Variants in CDH12 observed in about 807,000 individuals in gnomAD.
CDH12 encodes cadherin 12.
A neutral mutation model predicts 74.1 loss-of-function variants in CDH12; 41 were observed. The ratio of observed to expected loss-of-function variants is 0.55; its 90% CI spans 0.43 to 0.72. The LOEUF (loss-of-function observed/expected upper bound fraction) is 0.72. Ranked by LOEUF, CDH12 falls within the 30% of genes least tolerant of loss-of-function variation. The pLI is 0.00. For synonymous variants in CDH12, 399 were observed against 355.0 expected, an observed-to-expected ratio of 1.12 and a Z score of -1.39; for missense variants, 945 against 977.2, an observed-to-expected ratio of 0.97 and a Z score of 0.44.
chr5:22,521,523 C>T (rs1033029440), intron 1 of CDH12, among the ~76,000 whole-genome samples: 8 of 151,978 alleles, frequency 5.3e-5, no homozygotes, highest in Non-Finnish European at 1.2e-4. Context: ...TATTCTATAC[C>T]ATGCTAAAAA....
intron 1 of CDH12, among the ~76,000 whole-genome samples, chr5:22,798,134 A>G (rs933621581): frequency 1.3e-5 from 2 of 152,080 alleles, no homozygotes; most frequent in Admixed American, 1.3e-4. Context: ...AATAAATCCC[A>G]CAGGTTGTCC....
intron 1 of CDH12, among the ~76,000 whole-genome samples, chr5:22,552,539 C>G (rs142331468): frequency 1.4e-3 from 206 of 151,884 alleles, no homozygotes; most frequent in African/African-American, 4.9e-3. Context: ...AGCGATTATC[C>G]TGCCTCAGCC....
At chr5:22,376,146 G>A (rs115385077) in intron 3 of CDH12, among the ~76,000 whole-genome samples, 1,828 of 152,214 alleles carry the variant, frequency 0.012, 38 homozygotes, top group African/African-American at 0.041. Flanking sequence ...CATGTCATTC[G>A]CAGCAGCATG....
intron 6 of CDH12, among the ~76,000 whole-genome samples, chr5:21,870,563 T>C (rs1751568364): frequency 6.6e-6 from 1 of 152,190 alleles, no homozygotes; most frequent in African/African-American, 2.4e-5. Context: ...TTTCTGTTCA[T>C]GATAAATTAC....
At chr5:21,971,114 ATCCT>A (rs1233666158) in intron 6 of CDH12, among the ~76,000 whole-genome samples, 2 of 151,950 alleles carry the variant, frequency 1.3e-5, no homozygotes, top group African/African-American at 4.8e-5. Flanking sequence ...AAAGATGCCC[ATCCT>A]TCAGGTTTTG....
At chr5:22,068,312 C>G (rs1741706166) in intron 5 of CDH12, among the ~76,000 whole-genome samples, 1 of 152,172 alleles carries the variant, frequency 6.6e-6, no homozygotes, top group Non-Finnish European at 1.5e-5. Context: ...ATCACGTGCT[C>G]CCTATCAGCT....
chr5:22,811,434 G>A (rs1749145035), intron 1 of CDH12, among the ~76,000 whole-genome samples: 1 of 152,078 alleles, frequency 6.6e-6, no homozygotes, highest in South Asian at 2.1e-4. Flanking sequence ...GTTGCTTTGT[G>A]AGCTGAGAGA....
chr5:22,738,043 C>T (rs749026126), intron 1 of CDH12, among the ~76,000 whole-genome samples: 16 of 151,828 alleles, frequency 1.1e-4, no homozygotes, highest in Admixed American at 4.0e-4. Flanking sequence ...ACAGCAAGGA[C>T]ATGGTACATT....
intron 4 of CDH12, among the ~76,000 whole-genome samples, chr5:22,133,458 G>A (rs1204277632): frequency 6.6e-6 from 1 of 152,104 alleles, no homozygotes; most frequent in East Asian, 1.9e-4. Context: ...AAAAGGGATT[G>A]AATTCAGCCT....
At chr5:22,408,877 A>T (rs1743061516) in intron 2 of CDH12, among the ~76,000 whole-genome samples, 1 of 151,852 alleles carries the variant, frequency 6.6e-6, no homozygotes, top group Non-Finnish European at 1.5e-5. Flanking sequence ...GTTTCCAATG[A>T]ATAATTAAGT....
At chr5:22,117,490 T>TATATATATA (rs1745221819) in intron 4 of CDH12, among the ~76,000 whole-genome samples, 22 of 69,014 alleles carry the variant, frequency 3.2e-4, no homozygotes, top group Admixed American at 9.1e-4. Context: ...ATATATATAT[T>TATATATATA]ATATATATAT....
intron 4 of CDH12, among the ~76,000 whole-genome samples, chr5:22,193,559 GA>G (rs200455775): frequency 0.012 from 1,887 of 152,110 alleles, 41 homozygotes; most frequent in African/African-American, 0.043. Context: ...GCATAATTCA[GA>G]AAAAAAGCTA....
At chr5:22,240,771 T>C (rs1033387728) in intron 3 of CDH12, among the ~76,000 whole-genome samples, 1 of 152,162 alleles carries the variant, frequency 6.6e-6, no homozygotes, top group African/African-American at 2.4e-5. Flanking sequence ...TAACCTCAGG[T>C]GATCCGCCCT....
intron 5 of CDH12, among the ~76,000 whole-genome samples, chr5:22,071,055 T>C (rs1387864647): frequency 6.6e-6 from 1 of 152,026 alleles, no homozygotes; most frequent in Non-Finnish European, 1.5e-5. Context: ...GATTGATAGG[T>C]GCAGCAAACC....
At chr5:22,069,872 G>T (rs913127210) in intron 5 of CDH12, among the ~76,000 whole-genome samples, 4 of 152,136 alleles carry the variant, frequency 2.6e-5, no homozygotes, top group Non-Finnish European at 5.9e-5. Flanking sequence ...GGCAGAACTA[G>T]TAACGGTCTA....
intron 3 of CDH12, among the ~76,000 whole-genome samples, chr5:22,274,770 T>A (rs920147340): frequency 8.5e-5 from 13 of 152,274 alleles, no homozygotes; most frequent in African/African-American, 3.1e-4. Context: ...ATTGTCTTAC[T>A]GTCTTAAAAT....
At chr5:22,205,518 T>A (rs1751172610) in intron 4 of CDH12, among the ~76,000 whole-genome samples, 1 of 152,132 alleles carries the variant, frequency 6.6e-6, no homozygotes, top group African/African-American at 2.4e-5. Context: ...TATATCTATA[T>A]TAATGAAATA....
intron 3 of CDH12, among the ~76,000 whole-genome samples, chr5:22,293,493 T>A (rs1737491380): frequency 6.6e-6 from 1 of 152,174 alleles, no homozygotes. Context: ...AATAAAATCA[T>A]TATGTCAAAG....
intron 2 of CDH12, among the ~76,000 whole-genome samples, chr5:22,485,272 C>G (rs569791092): frequency 6.6e-6 from 1 of 152,080 alleles, no homozygotes; most frequent in African/African-American, 2.4e-5. Flanking sequence ...ACCTTCAATT[C>G]CTGGGCTCAA....
Sources: allele counts gnomAD v4.1 joint callset (sites outside exome capture counted in the v4.1 genomes callset), GRCh38; gene constraint gnomAD v4.1.1; transcripts MANE v1.5; gene names NCBI Gene and HGNC (gene_info 2026-07-23, HGNC 2026-07-21).